The following COL2A1 variants were observed in gnomAD, a reference collection of about 807,000 sequenced individuals.
COL2A1 encodes collagen type II alpha 1 chain.
In COL2A1, 28 loss-of-function variants were observed where a neutral mutation model predicts 204.5. The observed-to-expected ratio is 0.14, with a 90% CI of 0.10 to 0.19. COL2A1 has a LOEUF of 0.19. COL2A1 is among the 10% of genes least tolerant of loss of function. The probability of loss-of-function intolerance (pLI) is 1.00; values close to 1 mark genes in which losing one functional copy is unlikely to be tolerated. For missense variants in COL2A1, 1,388 were observed against 2,027.5 expected (o/e 0.68, Z 6.06); for synonymous variants, 708 against 718.7 (o/e 0.99, Z 0.24).
intron 41 of COL2A1, among the ~76,000 whole-genome samples, chr12:47,979,218 C>T (rs1314823922): frequency 6.6e-6 from 1 of 152,140 alleles, no homozygotes; most frequent in African/African-American, 2.4e-5. Flanking sequence ...AGCACACAGA[C>T]AAGTGCACAG....
chr12:47,977,257 C>A, intron 46 of COL2A1, 63 bp downstream of exon 46: 2 of 1,576,682 alleles, frequency 1.3e-6, no homozygotes, highest in Non-Finnish European at 8.7e-7. Context: ...TGCGGAAACC[C>A]AGGGACTGCC....
rs772264812 is a variant in COL2A1, at chr12:47,999,941, T to A, written c.270A>T (p.Pro90=). Residue 90 remains proline (P), a synonymous_variant, in exon 2 of 54, where the codon CCA becomes CCT. Coordinates refer to ENST00000380518, the MANE Select transcript of COL2A1 (RefSeq NM_001844.5). ...IPFGECCPIC[P]TDLATASGQP... Reference sequence around the variant, plus strand: ...AACCACTGGCAGTGGCGAGGTCAGTTGGGCAGATGGGGCAGCACTCTCCGA... The same window carrying A: ...AACCACTGGCAGTGGCGAGGTCAGTAGGGCAGATGGGGCAGCACTCTCCGA... 1.9e-6 allele frequency: 3 copies of A among 1,614,052 alleles called. No individual in the cohort carries two copies. The highest frequency in any genetic ancestry group is 2.5e-6 in the Non-Finnish European group (3 of 1,180,004).
chr12:47,982,305 G>C (rs1239308687), intron 34 of COL2A1, 145 bp from the exon 35 acceptor site: 2 of 834,172 alleles, frequency 2.4e-6, no homozygotes, highest in Non-Finnish European at 4.1e-6. Context: ...GTGAGGAGCA[G>C]CAGGGGTGAG....
chr12:47,995,789 G>T, intron 9 of COL2A1, 26 bp from the exon 10 acceptor site: 1 of 1,613,400 alleles, frequency 6.2e-7, no homozygotes. Context: ...AGGATACCAG[G>T]TCAATCCCTA....
chr12:47,979,682 A>G, intron 40 of COL2A1, 118 bp from the exon 41 acceptor site: 1 of 916,338 alleles, frequency 1.1e-6, no homozygotes, highest in Non-Finnish European at 1.8e-6. Flanking sequence ...GGGACTGCAA[A>G]GCAGCAAGGG....
rs2136610293 is a variant in COL2A1 at position 47,993,974 on chromosome 12, T to A, written c.870+20A>T. The A allele has an allele frequency of 1.2e-6, 2 of 1,614,160 alleles. No homozygotes were observed. The highest frequency in any genetic ancestry group is 1.7e-6 in the Non-Finnish European group (2 of 1,180,010). The stretch of plus-strand genomic sequence containing the variant: ...CACCAGGCATCTCTTCCTTCCAACC[T>A]TCTCACCCGTGATACTTACTCTGTG... On this transcript the variant is annotated intron_variant, in intron 13 of 53. Coordinates refer to ENST00000380518, the MANE Select transcript of COL2A1 (RefSeq NM_001844.5).
upstream of COL2A1, chr12:48,004,505 A>C: frequency 1.9e-6 from 1 of 533,280 alleles, no homozygotes. Context: ...CGCCCGTTAT[A>C]TGCGCCCGGC....
rs748708779 is a variant in COL2A1, at chr12:47,982,583, A to T, written c.2220T>A (p.Pro740=). The change falls in exon 34 of 54, where the codon CCT becomes CCA. Residue 740 remains proline (P), a synonymous_variant. Transcript: ENST00000380518. ...GAAGACCTGGAGGGCCCTGAGCCCC[A>T]GGGGGGCCTGCTGGGCCAGATGCAC... ...PKGASGPAGP[P]GAQGPPGLQG... 4.3e-6 allele frequency: 7 copies of T among 1,613,252 alleles called. No individual in the cohort carries two copies. The highest frequency in any genetic ancestry group is 1.7e-5 in the Admixed American group (1 of 59,984).
rs1452611710 is a variant in COL2A1, at chr12:47,997,861, T to C, written c.429+10A>G. 2 of 1,613,958 alleles carry C rather than the reference T, an allele frequency of 1.2e-6. No homozygotes were observed. ...TCCACCAGGGTCAAGCAGCATTGCTTTTTACTCACTTTTTCACCTTTGTCA... is the reference window on the plus strand; with the variant it reads ...TCCACCAGGGTCAAGCAGCATTGCTCTTTACTCACTTTTTCACCTTTGTCA... On this transcript the variant is annotated intron_variant, in intron 6 of 53. Coordinates refer to ENST00000380518, the MANE Select transcript of COL2A1 (RefSeq NM_001844.5).
chr12:47,986,771 G>A, intron 22 of COL2A1, 64 bp downstream of exon 22: 1 of 1,567,692 alleles, frequency 6.4e-7, no homozygotes, highest in Non-Finnish European at 8.8e-7. Context: ...GGGTCAGTGG[G>A]GCTGAGGCCT....
chr12:47,998,245 T>C, intron 3 of COL2A1, 44 bp from the exon 4 acceptor site: 3 of 1,613,730 alleles, frequency 1.9e-6, no homozygotes, highest in Non-Finnish European at 1.7e-6. Flanking sequence ...GTAAGCCCAC[T>C]AAGCCCCTAG....
intron 33 of COL2A1, 39 bp downstream of exon 33, chr12:47,982,809 G>A (rs776692009): frequency 1.3e-6 from 2 of 1,559,534 alleles, no homozygotes; most frequent in Non-Finnish European, 1.8e-6. Flanking sequence ...GGACTCCCAG[G>A]CTACCACGAA....
At position 47,985,759 on chromosome 12, in the gene COL2A1, C is replaced by T. The variant is rs186233557; in HGVS notation, c.1649G>A (p.Arg550His). 33 of 1,613,884 alleles carry T rather than the reference C, an allele frequency of 2.0e-5. No individual in the cohort carries two copies. Among genetic ancestry groups the T allele is most frequent in the African/African-American group, 2.7e-5 (2 of 75,038 alleles). ...TCCAGGAAGGCCAGGTTCTCCAGGA[C>T]GGCCAGGGTCACCGTTGGCTCCCTT... ...GPKGANGDPGRPGEPGLPGAR... is the reference protein window; with the variant it reads ...GPKGANGDPGHPGEPGLPGAR... The change falls in exon 25 of 54, where the codon CGT becomes CAT. Residue 550 changes from arginine (R) to histidine (H), a missense_variant. Arg to His is a conservative substitution (Grantham distance 29). Transcript: ENST00000380518.
intron 35 of COL2A1, 85 bp from the exon 36 acceptor site, chr12:47,981,914 T>TGCTCCCACCGCCTCCAGA: frequency 7.1e-7 from 1 of 1,408,632 alleles, no homozygotes; most frequent in Non-Finnish European, 9.9e-7. Flanking sequence ...CCTTGGTGCG[T>TGCTCCCACCGCCTCCAGA]GCTCCCACCG....
In COL2A1 at chr12:47,980,346, G is replaced by T. The variant is rs908050583; in HGVS notation, c.2625+208C>A. On this transcript the variant is annotated intron_variant, in intron 39 of 53. Coordinates refer to ENST00000380518, the MANE Select transcript of COL2A1 (RefSeq NM_001844.5). This position sits in a 1 kb window ranked among gnomAD's most constrained non-coding sequence, Gnocchi z 4.5. ...CTCCTCCCCAGGAGATCAGCAGCTT[G>T]GTTCTGGCTGGCTGTGGCCAGCCTG... is the stretch of plus-strand genomic sequence containing the variant. Among the ~76,000 whole-genome samples the T allele has an allele frequency of 7.2e-5, 11 of 152,136 alleles. No homozygotes were observed. The highest frequency in any genetic ancestry group is 2.4e-4 in the African/African-American group (10 of 41,458).
At position 47,973,552 on chromosome 12, in the gene COL2A1, T is replaced by C. The variant is rs1938541687; in HGVS notation, c.4319A>G (p.Lys1440Arg). ...AGTCTTGCCCCACTTACCGGTATGT[T>C]TCTAGGGGAGAAAAAAGGAGGAGGC... ...TYTALKDGCT[K>R]HTGKWGKTVI... Residue 1440 changes from lysine (K) to arginine (R), a missense_variant and splice_region_variant, in exon 54 of 54, where the codon AAA (lysine) becomes AGA (arginine). By Grantham distance (26) the Lys-to-Arg change is conservative (BLOSUM62 2). This residue lies in a region of COL2A1 where 303 missense variants were observed against 369.2 expected (regional missense o/e 0.82). Transcript: ENST00000380518. The C allele has an allele frequency of 1.9e-6, 3 of 1,613,908 alleles. No homozygotes were observed. The East Asian group carries it at 6.7e-5, about 36-fold the overall frequency.
intron 34 of COL2A1, 145 bp downstream of exon 34, chr12:47,982,357 C>A (rs1565677266): frequency 5.0e-6 from 4 of 806,048 alleles, no homozygotes; most frequent in Admixed American, 4.1e-5. Context: ...AGGCAGGGAG[C>A]TTTGGAAAGG....
intron 8 of COL2A1, 28 bp downstream of exon 8, chr12:47,996,520 G>T: frequency 6.3e-7 from 1 of 1,598,278 alleles, no homozygotes. Context: ...TGCCATTTTG[G>T]CTGCAAAGAA....
At chr12:47,974,992 G>T in intron 51 of COL2A1, 130 bp from the exon 52 acceptor site, 2 of 963,718 alleles carry the variant, frequency 2.1e-6, no homozygotes, top group South Asian at 1.6e-5. Context: ...CATGTGGCCT[G>T]AAAGGAGGGG....
Sources: gnomAD v4.1 joint callset for allele counts (sites outside exome capture counted in the v4.1 genomes callset) on GRCh38, gnomAD v4.1.1 for gene constraint, gnomAD v4.1.1 regional missense constraint, Gnocchi (gnomAD v3.1) non-coding constraint, MANE v1.5 for transcripts, NCBI Gene and HGNC (gene_info 2026-07-23, HGNC 2026-07-21) for gene names.